The following PHF24 variants were observed in gnomAD, a reference collection of about 807,000 sequenced individuals.
PHF24 encodes PHD finger protein 24.
A neutral mutation model predicts 42.6 loss-of-function variants in PHF24; 25 were observed. The ratio of observed to expected loss-of-function variants is 0.59; its 90% CI spans 0.43 to 0.82. The LOEUF (loss-of-function observed/expected upper bound fraction) is 0.82, where lower values mean the gene tolerates loss of function less well. Among genes scored for constraint, PHF24 ranks in the 40% least tolerant of loss-of-function variants. PHF24 has a pLI of 0.00. For synonymous variants in PHF24, 185 were observed against 204.8 expected (o/e 0.90, Z 0.83); for missense variants, 470 against 538.1 (o/e 0.87, Z 1.25).
At chr9:34,828,030 A>G in the PHF24 span, among the ~76,000 whole-genome samples, 2 of 151,610 alleles carry the variant, frequency 1.3e-5, no homozygotes, top group Non-Finnish European at 2.9e-5. Flanking sequence ...TCACACTGCC[A>G]CCAACTGCTT....
At chr9:34,864,902 C>T in the PHF24 span, among the ~76,000 whole-genome samples, 4 of 151,886 alleles carry the variant, frequency 2.6e-5, no homozygotes, top group South Asian at 2.1e-4. Context: ...ACAGGCCAGG[C>T]GCAGTGGCTC....
the PHF24 span, among the ~76,000 whole-genome samples, chr9:34,910,459 G>T: frequency 6.6e-6 from 1 of 152,088 alleles, no homozygotes; most frequent in Non-Finnish European, 1.5e-5. Flanking sequence ...AAGTGTTCTC[G>T]CTACATACAT....
At chr9:34,804,440 T>C in the PHF24 span, among the ~76,000 whole-genome samples, 1 of 152,218 alleles carries the variant, frequency 6.6e-6, no homozygotes, top group Non-Finnish European at 1.5e-5. Context: ...GTTTGTGAAA[T>C]TAGAATTTCA....
At chr9:34,722,142 G>C in the PHF24 span, among the ~76,000 whole-genome samples, 1 of 152,182 alleles carries the variant, frequency 6.6e-6, no homozygotes, top group African/African-American at 2.4e-5. Flanking sequence ...CTTCTGTGTT[G>C]AGGATAAACT....
the PHF24 span, among the ~76,000 whole-genome samples, chr9:34,896,212 C>A: frequency 1.4e-4 from 21 of 151,994 alleles, no homozygotes; most frequent in South Asian, 2.1e-4. Flanking sequence ...ACAACAACAA[C>A]AAAAAATAGA....
At chr9:34,673,258 G>A in the PHF24 span, among the ~76,000 whole-genome samples, 2 of 151,126 alleles carry the variant, frequency 1.3e-5, no homozygotes, top group Non-Finnish European at 3.0e-5. Context: ...CGAGAGATGA[G>A]GCAGGAGGAT....
chr9:34,910,781 T>C, the PHF24 span, among the ~76,000 whole-genome samples: 1 of 152,054 alleles, frequency 6.6e-6, no homozygotes, highest in Non-Finnish European at 1.5e-5. Flanking sequence ...TAGAAAATAA[T>C]GGCATATTTA....
At chr9:34,871,945 C>A in the PHF24 span, among the ~76,000 whole-genome samples, 484 of 152,242 alleles carry the variant, frequency 3.2e-3, 4 homozygotes, top group Admixed American at 2.3e-3. Flanking sequence ...ATTGGGATTG[C>A]ATCAAAGCTG....
chr9:34,952,088 A>G, the PHF24 span, among the ~76,000 whole-genome samples: 1 of 152,218 alleles, frequency 6.6e-6, no homozygotes, highest in Admixed American at 6.5e-5. Context: ...GGCAAGTAAT[A>G]ATTAAAATAG....
the PHF24 span, among the ~76,000 whole-genome samples, chr9:34,761,060 C>T: frequency 6.6e-6 from 1 of 151,596 alleles, no homozygotes. Flanking sequence ...CTCTGGGAGG[C>T]TTGTTAAAAA....
chr9:34,914,806 G>C, the PHF24 span, among the ~76,000 whole-genome samples: 1 of 151,050 alleles, frequency 6.6e-6, no homozygotes, highest in African/African-American at 2.4e-5. Context: ...TTTTTTGATA[G>C]ACAAGGTCTT....
chr9:34,861,642 TAAATA>T, the PHF24 span, among the ~76,000 whole-genome samples: 2 of 152,172 alleles, frequency 1.3e-5, no homozygotes, highest in Non-Finnish European at 2.9e-5. Flanking sequence ...TATAACCCAT[TAAATA>T]AAATAAGAAT....
chr9:34,845,344 G>A, the PHF24 span, among the ~76,000 whole-genome samples: 1 of 152,086 alleles, frequency 6.6e-6, no homozygotes, highest in Non-Finnish European at 1.5e-5. Flanking sequence ...TGATAGGTAA[G>A]GACTTACTAC....
the PHF24 span, chr9:34,832,710 G>A: frequency 2.7e-5 from 41 of 1,544,904 alleles, no homozygotes; most frequent in East Asian, 1.5e-4. Flanking sequence ...TTGAGTATGG[G>A]CTGGCATCAC....
chr9:34,846,591 C>G, the PHF24 span, among the ~76,000 whole-genome samples: 239 of 152,064 alleles, frequency 1.6e-3, no homozygotes, highest in African/African-American at 4.8e-3. Flanking sequence ...TGTGCAGAAG[C>G]TCTTTAGTTT....
the PHF24 span, among the ~76,000 whole-genome samples, chr9:34,885,678 GC>G: frequency 6.6e-6 from 1 of 151,928 alleles, no homozygotes; most frequent in African/African-American, 2.4e-5. Context: ...GCACTAGGAA[GC>G]CACCCCTGCC....
the PHF24 span, among the ~76,000 whole-genome samples, chr9:34,731,590 G>A: frequency 6.6e-6 from 1 of 152,132 alleles, no homozygotes; most frequent in African/African-American, 2.4e-5. Flanking sequence ...TTAATATAAT[G>A]TTCTTCAGTT....
At chr9:34,977,223 G>A in exon 6 of PHF24, 1 of 1,610,866 alleles carries the variant, frequency 6.2e-7, no homozygotes, top group Non-Finnish European at 8.5e-7. Flanking sequence ...GGTTCCCAGA[G>A]GCTCCTTCCT....
chr9:34,823,058 C>T, the PHF24 span, among the ~76,000 whole-genome samples: 5 of 151,030 alleles, frequency 3.3e-5, no homozygotes, highest in African/African-American at 7.3e-5. Context: ...TAGCCGGGCG[C>T]GGTGGCGGGC....
Sources: gnomAD v4.1 joint callset for allele counts (sites outside exome capture counted in the v4.1 genomes callset) on GRCh38, gnomAD v4.1.1 for gene constraint, MANE v1.5 for transcripts, NCBI Gene and HGNC (gene_info 2026-07-23, HGNC 2026-07-21) for gene names.